Variants in STPG2 observed in about 807,000 individuals in gnomAD.
STPG2 encodes the protein sperm-tail PG-rich repeat-containing protein 2.
In STPG2, 56 loss-of-function variants were observed where a neutral mutation model predicts 54.2. The ratio of observed to expected loss-of-function variants is 1.03; its 90% CI spans 0.83 to 1.29. The LOEUF is 1.29. STPG2 is among the 50% of genes most tolerant of loss of function. The pLI, the probability that STPG2 is intolerant of heterozygous loss-of-function variation, is 0.00. For synonymous variants in STPG2, 200 were observed against 181.8 expected, an observed-to-expected ratio of 1.10 and a Z score of -0.81; for missense variants, 596 against 544.9, an observed-to-expected ratio of 1.09 and a Z score of -0.93.
intron 10 of STPG2, among the ~76,000 whole-genome samples, chr4:97,575,141 T>C (rs1364135053): frequency 6.6e-6 from 1 of 150,594 alleles, no homozygotes; most frequent in Non-Finnish European, 1.5e-5. Flanking sequence ...GAATCAGTGA[T>C]AAAAAAAAAC....
chr4:98,002,771 T>C (rs1190343389), intron 5 of STPG2, among the ~76,000 whole-genome samples: 1 of 152,122 alleles, frequency 6.6e-6, no homozygotes, highest in African/African-American at 2.4e-5. Context: ...TCTTTGCTTA[T>C]GTCTTTAATA....
intron 9 of STPG2, among the ~76,000 whole-genome samples, chr4:97,765,564 G>T (rs1288805247): frequency 6.6e-6 from 1 of 152,104 alleles, no homozygotes; most frequent in Non-Finnish European, 1.5e-5. Context: ...AACTTAGGGG[G>T]TACTCCTTCC....
chr4:97,927,255 T>C (rs1050697294), intron 8 of STPG2, among the ~76,000 whole-genome samples: 4 of 152,252 alleles, frequency 2.6e-5, no homozygotes, highest in Admixed American at 6.5e-5. Context: ...GTAGCACAAA[T>C]TGTTCACTAA....
chr4:97,607,345 C>T (rs937695749), intron 10 of STPG2, among the ~76,000 whole-genome samples: 11 of 151,928 alleles, frequency 7.2e-5, no homozygotes, highest in African/African-American at 2.4e-4. Context: ...ATATAAGGAG[C>T]GGATCTTCCT....
At chr4:97,995,630 G>A (rs1350941151) in intron 5 of STPG2, among the ~76,000 whole-genome samples, 2 of 152,114 alleles carry the variant, frequency 1.3e-5, no homozygotes, top group Non-Finnish European at 2.9e-5. Context: ...TGTTCAAAGG[G>A]AAGGCACTAA....
intron 4 of STPG2, among the ~76,000 whole-genome samples, chr4:97,515,090 A>G (rs1731047848): frequency 6.6e-6 from 1 of 152,148 alleles, no homozygotes; most frequent in Non-Finnish European, 1.5e-5. Context: ...AATAAGTTCT[A>G]TAAAGATATA....
chr4:98,119,176 A>T (rs1469523443), intron 3 of STPG2, among the ~76,000 whole-genome samples: 1 of 152,146 alleles, frequency 6.6e-6, no homozygotes, highest in Non-Finnish European at 1.5e-5. Context: ...TTCACTTTAC[A>T]TGAGTTAAAA....
At chr4:97,960,215 T>C (rs965588952) in intron 7 of STPG2, among the ~76,000 whole-genome samples, 15 of 152,070 alleles carry the variant, frequency 9.9e-5, no homozygotes, top group Non-Finnish European at 1.5e-4. Context: ...ATAAAAGCCA[T>C]CTATGACAAA....
intron 4 of STPG2, among the ~76,000 whole-genome samples, chr4:97,482,690 T>C (rs1730253232): frequency 6.6e-6 from 1 of 151,494 alleles, no homozygotes; most frequent in South Asian, 2.1e-4. Context: ...TATGACAAAA[T>C]GCAAGAAGTA....
At chr4:97,487,907 T>C (rs1008476814) in intron 4 of STPG2, among the ~76,000 whole-genome samples, 3 of 151,544 alleles carry the variant, frequency 2.0e-5, no homozygotes, top group Non-Finnish European at 4.4e-5. Flanking sequence ...ATTTGCAATT[T>C]ATTTTAATTA....
At chr4:98,034,287 A>G (rs1736698557) in intron 5 of STPG2, among the ~76,000 whole-genome samples, 1 of 152,194 alleles carries the variant, frequency 6.6e-6, no homozygotes, top group South Asian at 2.1e-4. Context: ...CAAAAATCAC[A>G]AGCATTCCTA....
chr4:97,566,954 G>A (rs1325498518), intron 10 of STPG2, among the ~76,000 whole-genome samples: 2 of 151,612 alleles, frequency 1.3e-5, no homozygotes, highest in Non-Finnish European at 2.9e-5. Flanking sequence ...AATGGGCGCA[G>A]CACACCAGCA....
Position 97,850,434 on chromosome 4 carries a change from C to T in STPG2, c.1045-9502G>A, listed in dbSNP as rs181099508. On this transcript the variant is annotated intron_variant, in intron 8 of 10. Transcript: ENST00000295268. ...GTTGTAAATACCAACGTATTATTTC[C>T]AGAGGTTGAAGTAATTTTACCATTT... is the stretch of plus-strand genomic sequence containing the variant. 2.1e-3 allele frequency among the ~76,000 whole-genome samples: 314 copies of T among 150,658 alleles called. 4 individuals are homozygous for T. The East Asian group carries it at 0.031, about 15-fold the overall frequency.
At chr4:97,872,677 A>G (rs961848064) in intron 8 of STPG2, among the ~76,000 whole-genome samples, 3 of 151,336 alleles carry the variant, frequency 2.0e-5, no homozygotes, top group Non-Finnish European at 4.5e-5. Context: ...CATCATAAAC[A>G]TGACAGATCA....
intron 10 of STPG2, among the ~76,000 whole-genome samples, chr4:97,684,683 C>T (rs1480141510): frequency 1.3e-5 from 2 of 151,756 alleles, no homozygotes; most frequent in East Asian, 1.9e-4. Flanking sequence ...CAAATTTTTG[C>T]GTTTGCAATG....
At chr4:97,466,599 A>G (rs1729793945) in intron 4 of STPG2, among the ~76,000 whole-genome samples, 1 of 152,040 alleles carries the variant, frequency 6.6e-6, no homozygotes, top group South Asian at 2.1e-4. Context: ...TTTATTTTTC[A>G]TATAAAAGTT....
At chr4:97,812,661 G>C (rs972306629) in intron 9 of STPG2, among the ~76,000 whole-genome samples, 6 of 152,164 alleles carry the variant, frequency 3.9e-5, no homozygotes, top group Middle Eastern at 3.4e-3. Context: ...CTCCCTATCT[G>C]AACATCTGAA....
chr4:97,638,134 AC>A (rs1721624436), intron 10 of STPG2, among the ~76,000 whole-genome samples: 4 of 152,186 alleles, frequency 2.6e-5, no homozygotes, highest in Admixed American at 2.0e-4. Flanking sequence ...TGGTACTGGT[AC>A]CAAAACAGAG....
chr4:97,996,461 A>G (rs1735241713), intron 5 of STPG2, among the ~76,000 whole-genome samples: 1 of 152,202 alleles, frequency 6.6e-6, no homozygotes, highest in Admixed American at 6.5e-5. Flanking sequence ...TCAACTCAAG[A>G]TGGATTAAAG....
Sources: allele counts gnomAD v4.1 joint callset (sites outside exome capture counted in the v4.1 genomes callset), GRCh38; gene constraint gnomAD v4.1.1; transcripts MANE v1.5; gene names NCBI Gene and HGNC (gene_info 2026-07-23, HGNC 2026-07-21).